KLF12: variants seen among roughly 807,000 people sequenced by gnomAD.
KLF12 encodes the protein KLF transcription factor 12.
In KLF12, 9 loss-of-function variants were observed where a neutral mutation model predicts 37.8. That is an observed-to-expected ratio of 0.24 (90% CI 0.14 to 0.42). The LOEUF is 0.42. KLF12 is among the 10% of genes least tolerant of loss of function. The probability of loss-of-function intolerance (pLI) is 1.00; values close to 1 mark genes in which losing one functional copy is unlikely to be tolerated. For missense variants in KLF12, 411 were observed against 516.0 expected (o/e 0.80, Z 1.97); for synonymous variants, 208 against 202.1 (o/e 1.03, Z -0.25).
intron 3 of KLF12, among the ~76,000 whole-genome samples, chr13:73,936,690 C>A (rs1487066613): frequency 6.6e-6 from 1 of 152,164 alleles, no homozygotes; most frequent in Non-Finnish European, 1.5e-5. Flanking sequence ...CCCTGCTTTG[C>A]CGCCCGGAAG....
intron 3 of KLF12, among the ~76,000 whole-genome samples, chr13:73,889,621 A>T (rs1887406568): frequency 6.6e-6 from 1 of 152,186 alleles, no homozygotes; most frequent in Admixed American, 6.5e-5. Context: ...TAAACTAAAA[A>T]ACTCATATTT....
chr13:74,291,533 C>A, the KLF12 span, among the ~76,000 whole-genome samples: 1 of 152,152 alleles, frequency 6.6e-6, no homozygotes, highest in South Asian at 2.1e-4. Flanking sequence ...GTTGGCGAAG[C>A]AGAACATATA....
intron 1 of KLF12, among the ~76,000 whole-genome samples, chr13:74,061,211 A>G (rs79920416): frequency 2.6e-5 from 4 of 152,314 alleles, no homozygotes; most frequent in Non-Finnish European, 4.4e-5. Context: ...GTTAAGTTCT[A>G]TCAATAAGGT....
the KLF12 span, among the ~76,000 whole-genome samples, chr13:74,292,653 C>T: frequency 1.3e-5 from 2 of 152,246 alleles, no homozygotes; most frequent in African/African-American, 4.8e-5. Context: ...TGCAGCTCCC[C>T]TTGCCTGGAA....
chr13:73,719,288 C>T (rs565802270), intron 6 of KLF12, among the ~76,000 whole-genome samples: 53 of 152,220 alleles, frequency 3.5e-4, no homozygotes, highest in Non-Finnish European at 6.8e-4. Flanking sequence ...TATCCACAGT[C>T]GGCGGGCACT....
At chr13:73,904,469 C>CTTTTTTT (rs11342071) in intron 3 of KLF12, among the ~76,000 whole-genome samples, 11 of 91,982 alleles carry the variant, frequency 1.2e-4, no homozygotes, top group African/African-American at 2.3e-4. Context: ...TCTTTCTTTC[C>CTTTTTTT]TTTTTTTTTT....
At chr13:73,764,520 A>AC (rs146760836) in intron 6 of KLF12, among the ~76,000 whole-genome samples, 5,623 of 151,568 alleles carry the variant, frequency 0.037, 161 homozygotes, top group Non-Finnish European at 0.057. Flanking sequence ...ATGGCAAGGA[A>AC]AAAAAAAATC....
At chr13:73,944,886 A>G (rs1890348765) in intron 2 of KLF12, among the ~76,000 whole-genome samples, 1 of 152,202 alleles carries the variant, frequency 6.6e-6, no homozygotes, top group African/African-American at 2.4e-5. Context: ...GTGCTCGCCT[A>G]AGGCCCAAAT....
Position 73,814,628 on chromosome 13 carries a change from T to C in KLF12, c.671-1341A>G, listed in dbSNP as rs139354707. 4.5e-3 allele frequency among the ~76,000 whole-genome samples: 680 copies of C among 152,284 alleles called. 4 individuals are homozygous for C. The highest frequency in any genetic ancestry group is 0.013 in the East Asian group (68 of 5,190). On this transcript the variant is annotated intron_variant, in intron 4 of 7. Coordinates refer to ENST00000377669, the MANE Select transcript of KLF12 (RefSeq NM_007249.5). The stretch of plus-strand genomic sequence containing the variant: ...AACGTGCTTTGCACAATGGAAGTGT[T>C]TGGTAAATACTAAATTTAAAAGAAG...
At chr13:73,859,465 T>C (rs1461428306) in intron 3 of KLF12, among the ~76,000 whole-genome samples, 1 of 152,218 alleles carries the variant, frequency 6.6e-6, no homozygotes, top group East Asian at 1.9e-4. Context: ...CCTCCCGTCC[T>C]TATTGGTGAA....
At chr13:73,865,645 G>GAACAAACTAAAAGGAGAGGAATAGATTAT (rs1296971774) in intron 3 of KLF12, among the ~76,000 whole-genome samples, 3 of 151,956 alleles carry the variant, frequency 2.0e-5, no homozygotes, top group African/African-American at 7.3e-5. Context: ...GAATAGATAA[G>GAACAAACTAAAAGGAGAGGAATAGATTAT]AACAAACTAA....
At chr13:74,171,312 G>A in the KLF12 span, among the ~76,000 whole-genome samples, 2 of 152,106 alleles carry the variant, frequency 1.3e-5, no homozygotes, top group Non-Finnish European at 2.9e-5. Context: ...GGGTCCTTAA[G>A]CTCCTAAAAA....
intron 6 of KLF12, among the ~76,000 whole-genome samples, chr13:73,753,353 T>C (rs1178836416): frequency 6.6e-6 from 1 of 152,180 alleles, no homozygotes; most frequent in Admixed American, 6.5e-5. Flanking sequence ...CTTCCTGTCA[T>C]TCAGCTCCCA....
chr13:73,946,442 A>C (rs1890426263), intron 2 of KLF12, among the ~76,000 whole-genome samples: 1 of 152,212 alleles, frequency 6.6e-6, no homozygotes, highest in African/African-American at 2.4e-5. Flanking sequence ...ATAAATCATA[A>C]AAACCTGACT....
chr13:73,924,016 T>C (rs994233348), intron 3 of KLF12, among the ~76,000 whole-genome samples: 6 of 152,214 alleles, frequency 3.9e-5, no homozygotes, highest in Admixed American at 3.9e-4. Context: ...GGAAAAATGA[T>C]GATCACAATA....
chr13:74,110,991 A>G (rs1195123493), intron 1 of KLF12, among the ~76,000 whole-genome samples: 1 of 152,012 alleles, frequency 6.6e-6, no homozygotes, highest in Admixed American at 6.6e-5. Flanking sequence ...CGTCTCCACT[A>G]AAAATACAAA....
At chr13:74,258,558 G>A in the KLF12 span, 2 of 152,020 alleles carry the variant, frequency 1.3e-5, no homozygotes, top group Admixed American at 6.5e-5. Context: ...TTGTAAACGC[G>A]GGATCATATC....
At chr13:74,265,205 A>T in the KLF12 span, among the ~76,000 whole-genome samples, 1 of 152,152 alleles carries the variant, frequency 6.6e-6, no homozygotes, top group Non-Finnish European at 1.5e-5. Flanking sequence ...GGAGGGACTA[A>T]TATTGAAATA....
At chr13:74,089,377 A>T (rs956412528) in intron 1 of KLF12, among the ~76,000 whole-genome samples, 1 of 152,190 alleles carries the variant, frequency 6.6e-6, no homozygotes, top group Admixed American at 6.5e-5. Context: ...GTGACTCTTC[A>T]TTCCTAGGCC....
Sources: gnomAD v4.1 joint callset for allele counts (sites outside exome capture counted in the v4.1 genomes callset) on GRCh38, gnomAD v4.1.1 for gene constraint, MANE v1.5 for transcripts, NCBI Gene and HGNC (gene_info 2026-07-23, HGNC 2026-07-21) for gene names.